The following AFF1 variants were observed in gnomAD, a reference collection of about 807,000 sequenced individuals.
AFF1 encodes the protein AF4/FMR2 family member 1.
A neutral mutation model predicts 121.7 loss-of-function variants in AFF1; 48 were observed. That is an observed-to-expected ratio of 0.39 (90% CI 0.31 to 0.50). The LOEUF (loss-of-function observed/expected upper bound fraction) is 0.50, where lower values mean the gene tolerates loss of function less well. Ranked by LOEUF, AFF1 falls within the 20% of genes least tolerant of loss-of-function variation. The pLI, the probability that AFF1 is intolerant of heterozygous loss-of-function variation, is 0.76. For synonymous variants in AFF1, 613 were observed against 563.0 expected, an observed-to-expected ratio of 1.09 and a Z score of -1.26; for missense variants, 1,523 against 1,511.7, an observed-to-expected ratio of 1.01 and a Z score of -0.12.
intron 2 of AFF1, among the ~76,000 whole-genome samples, chr4:86,962,849 G>T (rs943264481): frequency 6.6e-6 from 1 of 152,084 alleles, no homozygotes; most frequent in Non-Finnish European, 1.5e-5. Context: ...ATTACTTTAA[G>T]ATATAGTTTA....
At chr4:86,999,856 G>C (rs1489540529) in intron 2 of AFF1, among the ~76,000 whole-genome samples, 1 of 152,154 alleles carries the variant, frequency 6.6e-6, no homozygotes, top group Non-Finnish European at 1.5e-5. Context: ...GAGACTGGGT[G>C]GTAGCGTTTA....
intron 2 of AFF1, among the ~76,000 whole-genome samples, chr4:86,991,182 C>T (rs954555403): frequency 3.3e-5 from 5 of 152,062 alleles, no homozygotes; most frequent in African/African-American, 7.2e-5. Context: ...CAGTGGCTCA[C>T]GCCTGTAATC....
At chr4:86,995,944 A>G (rs1321223975) in intron 2 of AFF1, among the ~76,000 whole-genome samples, 4 of 145,744 alleles carry the variant, frequency 2.7e-5, no homozygotes, top group African/African-American at 7.8e-5. Context: ...GGATGTGAGG[A>G]GCGTCTCTGC....
At chr4:87,093,939 A>G (rs944074949) in intron 7 of AFF1, among the ~76,000 whole-genome samples, 2 of 152,160 alleles carry the variant, frequency 1.3e-5, no homozygotes, top group Non-Finnish European at 2.9e-5. Flanking sequence ...AGGTAGCACT[A>G]CCAGAGTAAT....
At position 87,135,809 on chromosome 4, in the gene AFF1, G is replaced by T. The variant is rs1196730189; in HGVS notation, c.*108G>T. On this transcript the variant is annotated 3_prime_UTR_variant, in exon 21 of 21. Transcript: ENST00000395146. ...CAGGACACCAAACTCTAAAAAAGAA[G>T]CACCACGAGATGGCCAGGACATTTG... is the stretch of plus-strand genomic sequence containing the variant. The T allele has an allele frequency of 3.6e-6, 5 of 1,396,680 alleles. No homozygotes were observed. The highest frequency in any genetic ancestry group is 4.7e-6 in the Non-Finnish European group (5 of 1,060,568). The allele number at this position is 1,396,680 out of a possible 1,614,324, so 86.5% of individuals were successfully genotyped here.
chr4:87,121,735 C>G (rs1351411923), intron 12 of AFF1, among the ~76,000 whole-genome samples: 1 of 152,214 alleles, frequency 6.6e-6, no homozygotes, highest in Non-Finnish European at 1.5e-5. Flanking sequence ...CAATATAAAG[C>G]ATATTATTCC....
At chr4:87,118,510 TTCTG>T (rs1157014521) in intron 12 of AFF1, among the ~76,000 whole-genome samples, 1 of 152,244 alleles carries the variant, frequency 6.6e-6, no homozygotes, top group Admixed American at 6.5e-5. Context: ...TTAGAGACTA[TTCTG>T]TTAATTACTT....
chr4:86,960,443 A>T (rs1449691226), intron 2 of AFF1, among the ~76,000 whole-genome samples: 1 of 152,158 alleles, frequency 6.6e-6, no homozygotes, highest in Non-Finnish European at 1.5e-5. Flanking sequence ...TCAGGAGGAA[A>T]ACTCCTTTAT....
intron 12 of AFF1, among the ~76,000 whole-genome samples, chr4:87,120,126 G>A (rs1436656763): frequency 1.3e-5 from 2 of 152,148 alleles, no homozygotes; most frequent in Admixed American, 6.6e-5. Flanking sequence ...TGAATCATGC[G>A]TTCCCTCACC....
At chr4:86,986,900 C>G (rs1560519889) in intron 2 of AFF1, among the ~76,000 whole-genome samples, 1 of 151,908 alleles carries the variant, frequency 6.6e-6, no homozygotes, top group Non-Finnish European at 1.5e-5. Context: ...CTCTGTTGCC[C>G]AGGCTGGGGT....
intron 2 of AFF1, among the ~76,000 whole-genome samples, chr4:86,992,416 C>G (rs1259433123): frequency 6.6e-6 from 1 of 152,158 alleles, no homozygotes; most frequent in Non-Finnish European, 1.5e-5. Flanking sequence ...TGCCATTTTG[C>G]TGGACTGTGG....
intron 2 of AFF1, among the ~76,000 whole-genome samples, chr4:86,968,447 G>A (rs534973028): frequency 2.0e-5 from 3 of 152,218 alleles, no homozygotes; most frequent in East Asian, 3.9e-4. Context: ...TAACATTGAC[G>A]TTCCTTCATA....
rs143181475 is a variant in AFF1 at position 86,987,573 on chromosome 4, T to C, written c.38+39002T>C. 6.8e-4 allele frequency among the ~76,000 whole-genome samples: 103 copies of C among 152,286 alleles called. No homozygotes were observed. The East Asian group carries it at 0.018, about 26-fold the overall frequency. ...GTAGGTGATAACTGATTAATACCCA[T>C]GTGGAAACCAGAAGCAATAACCACC... is the stretch of plus-strand genomic sequence containing the variant. On this transcript the variant is annotated intron_variant, in intron 2 of 20. Transcript: ENST00000395146.
At chr4:87,041,492 G>C (rs1229805044) in intron 2 of AFF1, among the ~76,000 whole-genome samples, 1 of 152,164 alleles carries the variant, frequency 6.6e-6, no homozygotes, top group Non-Finnish European at 1.5e-5. Flanking sequence ...TCTGTGATCT[G>C]TGTTTTGACA....
chr4:87,001,652 C>G (rs868512575), intron 2 of AFF1, among the ~76,000 whole-genome samples: 1 of 152,072 alleles, frequency 6.6e-6, no homozygotes, highest in East Asian at 1.9e-4. Context: ...CCAGGTAACC[C>G]CAGTTTAAAG....
At chr4:86,963,403 A>G (rs1221109360) in intron 2 of AFF1, among the ~76,000 whole-genome samples, 1 of 152,088 alleles carries the variant, frequency 6.6e-6, no homozygotes, top group Non-Finnish European at 1.5e-5. Context: ...GGGAGAGGGG[A>G]TGGGAAGAAA....
At position 87,090,017 on chromosome 4, in the gene AFF1, G is replaced by A. The variant is rs760732439; in HGVS notation, c.1138G>A (p.Ala380Thr). 6.2e-7 allele frequency: 1 copy of A among 1,613,722 alleles called. No individual in the cohort carries two copies. Among genetic ancestry groups the A allele is most frequent in the Non-Finnish European group, 8.5e-7 (1 of 1,179,920 alleles). Reference protein sequence around the residue: ...MTHSWPPPLTAIHTPSTAEPS... With the variant: ...MTHSWPPPLTTIHTPSTAEPS... ...CCATTCATGGCCGCCTCCTTTGACA[G>A]CAATACATACGCCTAGTACAGCTGA... The change falls in exon 6 of 21, where the codon GCA (alanine) becomes ACA (threonine). Residue 380 changes from alanine (A) to threonine (T), a missense_variant. Ala to Thr is a moderately conservative substitution (Grantham distance 58). Transcript: ENST00000395146.
intron 1 of AFF1, among the ~76,000 whole-genome samples, chr4:86,940,300 C>G (rs1720358520): frequency 6.6e-6 from 1 of 152,222 alleles, no homozygotes; most frequent in Admixed American, 6.5e-5. Flanking sequence ...TCAACATTTT[C>G]TTAGACTGGT....
intron 17 of AFF1, 48 bp from the exon 18 acceptor site, chr4:87,131,745 G>A: frequency 7.1e-7 from 1 of 1,410,478 alleles, no homozygotes; most frequent in East Asian, 2.3e-5. Context: ...AGTTGTATTT[G>A]TGTCTGCCTT....
Sources: gnomAD v4.1 joint callset for allele counts (sites outside exome capture counted in the v4.1 genomes callset) on GRCh38, gnomAD v4.1.1 for gene constraint, MANE v1.5 for transcripts, NCBI Gene and HGNC (gene_info 2026-07-23, HGNC 2026-07-21) for gene names.